ALK: variants seen among roughly 807,000 people sequenced by gnomAD.
The protein encoded by ALK is ALK receptor tyrosine kinase, also known as ALK tyrosine kinase receptor.
Under a neutral mutation model 163.1 loss-of-function variants are expected in ALK, and 74 were observed. The ratio of observed to expected loss-of-function variants is 0.45; its 90% CI spans 0.38 to 0.55. The LOEUF (loss-of-function observed/expected upper bound fraction) is 0.55, where lower values mean the gene tolerates loss of function less well. ALK is among the 20% of genes least tolerant of loss of function. The pLI is 0.00. For missense variants in ALK, 2,063 were observed against 2,105.3 expected, an observed-to-expected ratio of 0.98 and a Z score of 0.39; for synonymous variants, 960 against 843.2, an observed-to-expected ratio of 1.14 and a Z score of -2.40.
At chr2:29,315,776 C>T (rs1406228) in intron 8 of ALK, among the ~76,000 whole-genome samples, 132,454 of 152,164 alleles carry the variant, frequency 0.87, 59,555 homozygotes, top group Non-Finnish European at 0.98. Flanking sequence ...TGGGAATCCA[C>T]TGATGATTGT....
At chr2:29,584,824 C>T (rs1674833884) in intron 3 of ALK, among the ~76,000 whole-genome samples, 1 of 152,220 alleles carries the variant, frequency 6.6e-6, no homozygotes, top group Admixed American at 6.5e-5. Flanking sequence ...TGTTCAGATG[C>T]TGTTGAGTAT....
intron 4 of ALK, among the ~76,000 whole-genome samples, chr2:29,529,917 G>A (rs376160702): frequency 6.1e-4 from 93 of 152,274 alleles, no homozygotes; most frequent in African/African-American, 2.2e-3. Context: ...CATTGCCTTG[G>A]GAAGAGGATA....
At chr2:29,240,449 A>G (rs1008330144) in intron 12 of ALK, among the ~76,000 whole-genome samples, 11 of 152,150 alleles carry the variant, frequency 7.2e-5, no homozygotes, top group Non-Finnish European at 1.6e-4. Context: ...GTTAATTATT[A>G]TTATTATTAA....
rs1669056352 is a variant in ALK, at chr2:29,197,608, T to C, written c.4007A>G (p.Gln1336Arg). The change falls in exon 27 of 29, where the codon CAG (glutamine) becomes CGG (arginine). Residue 1336 changes from glutamine (Q) to arginine (R), a missense_variant. Gln to Arg is a conservative substitution (Grantham distance 43). Around this residue, in one of 5 missense-constraint regions of ALK, gnomAD observed 403 missense variants for 366.2 expected, o/e 1.10. Coordinates refer to ENST00000389048, the MANE Select transcript of ALK (RefSeq NM_004304.5). ...ACTGGTGACAAACTCCAGAACTTCC[T>C]GGTTGCTTTTGCTGGGGTATGGCAT... ...GYMPYPSKSN[Q>R]EVLEFVTSGG... 2 of 1,614,052 alleles carry C rather than the reference T, an allele frequency of 1.2e-6. No homozygotes were observed. Among genetic ancestry groups the C allele is most frequent in the Non-Finnish European group, 1.7e-6 (2 of 1,180,020 alleles).
intron 7 of ALK, among the ~76,000 whole-genome samples, chr2:29,320,055 G>A (rs558075716): frequency 6.6e-6 from 1 of 152,242 alleles, no homozygotes; most frequent in African/African-American, 2.4e-5. Flanking sequence ...GCAGCCTAAC[G>A]TTGGGAGCTC....
At chr2:29,472,938 A>G (rs1427293979) in intron 4 of ALK, among the ~76,000 whole-genome samples, 1 of 152,210 alleles carries the variant, frequency 6.6e-6, no homozygotes. Flanking sequence ...GTCTCCTCAA[A>G]TCTGTAGATT....
intron 4 of ALK, among the ~76,000 whole-genome samples, chr2:29,524,233 C>G (rs1292012015): frequency 6.6e-6 from 1 of 152,174 alleles, no homozygotes; most frequent in Non-Finnish European, 1.5e-5. Flanking sequence ...GGCAGTGTGC[C>G]AGACATTGCT....
intron 3 of ALK, among the ~76,000 whole-genome samples, chr2:29,607,368 T>C (rs6547960): frequency 0.8 from 121,693 of 152,110 alleles, 49,079 homozygotes; most frequent in African/African-American, 0.91. Context: ...CATCTTTTAC[T>C]TTAAGAAAAT....
At chr2:29,328,108 G>T (rs939046192) in intron 6 of ALK, among the ~76,000 whole-genome samples, 2 of 152,216 alleles carry the variant, frequency 1.3e-5, no homozygotes, top group East Asian at 1.9e-4. Flanking sequence ...TGAGGATGCT[G>T]ATAGCATCAC....
chr2:29,271,634 C>T (rs999150437), intron 11 of ALK, among the ~76,000 whole-genome samples: 6 of 152,236 alleles, frequency 3.9e-5, no homozygotes, highest in Non-Finnish European at 7.3e-5. Context: ...CATCTGCAGA[C>T]TTGCCCCGAT....
At chr2:29,450,658 C>A (rs1054742469) in intron 4 of ALK, among the ~76,000 whole-genome samples, 2 of 152,104 alleles carry the variant, frequency 1.3e-5, no homozygotes, top group Admixed American at 1.3e-4. Flanking sequence ...AAATATGTTA[C>A]AGTTCTCTTA....
intron 1 of ALK, among the ~76,000 whole-genome samples, chr2:29,831,896 A>G (rs976727730): frequency 6.6e-6 from 1 of 152,194 alleles, no homozygotes; most frequent in Non-Finnish European, 1.5e-5. Flanking sequence ...TAGGCGAACC[A>G]TTTTCACTGC....
At chr2:29,649,619 G>A (rs1242414697) in intron 3 of ALK, among the ~76,000 whole-genome samples, 2 of 152,044 alleles carry the variant, frequency 1.3e-5, no homozygotes, top group South Asian at 2.1e-4. Flanking sequence ...TTAGTAGGGG[G>A]GCATTCAACT....
chr2:29,828,188 A>G (rs1665254408), intron 1 of ALK, among the ~76,000 whole-genome samples: 3 of 152,246 alleles, frequency 2.0e-5, no homozygotes, highest in Admixed American at 2.0e-4. Flanking sequence ...AAAGACTTAA[A>G]TGTTAGACCT....
At chr2:29,894,586 A>T (rs1314833857) in intron 1 of ALK, among the ~76,000 whole-genome samples, 2 of 152,014 alleles carry the variant, frequency 1.3e-5, no homozygotes, top group African/African-American at 4.8e-5. Context: ...TAACTTAGTA[A>T]ATTAGTGGGG....
At chr2:29,509,706 A>C (rs1672456685) in intron 4 of ALK, among the ~76,000 whole-genome samples, 1 of 152,148 alleles carries the variant, frequency 6.6e-6, no homozygotes, top group Non-Finnish European at 1.5e-5. Flanking sequence ...CTTTTATTCC[A>C]ATTTATTTCT....
At chr2:29,760,355 C>A (rs1386517736) in intron 1 of ALK, among the ~76,000 whole-genome samples, 10 of 152,150 alleles carry the variant, frequency 6.6e-5, no homozygotes, top group Non-Finnish European at 1.0e-4. Context: ...GCCGCAGCTT[C>A]TTCATTTGTA....
intron 2 of ALK, among the ~76,000 whole-genome samples, chr2:29,708,323 C>T (rs1186664307): frequency 6.6e-6 from 1 of 152,148 alleles, no homozygotes; most frequent in Non-Finnish European, 1.5e-5. Context: ...CCCACCCTGG[C>T]CTCCCAAAGT....
intron 1 of ALK, among the ~76,000 whole-genome samples, chr2:29,758,079 T>C (rs1408340906): frequency 1.3e-5 from 2 of 150,218 alleles, no homozygotes; most frequent in African/African-American, 5.0e-5. Flanking sequence ...GGCCTGATCT[T>C]GGCTCACTGC....
Sources: gnomAD v4.1 joint callset for allele counts (sites outside exome capture counted in the v4.1 genomes callset) on GRCh38, gnomAD v4.1.1 for gene constraint, gnomAD v4.1.1 regional missense constraint, MANE v1.5 for transcripts, NCBI Gene and HGNC (gene_info 2026-07-23, HGNC 2026-07-21) for gene names.